HERC1: variants seen among roughly 807,000 people sequenced by gnomAD.
The protein encoded by HERC1 is HECT and RLD domain containing E3 ubiquitin protein ligase family member 1, also known as probable E3 ubiquitin-protein ligase HERC1.
In HERC1, 160 loss-of-function variants were observed where a neutral mutation model predicts 554.3. The ratio of observed to expected loss-of-function variants is 0.29; its 90% confidence interval spans 0.25 to 0.33. The LOEUF (loss-of-function observed/expected upper bound fraction) is 0.33. Among genes scored for constraint, HERC1 ranks in the 10% least tolerant of loss-of-function variants. The probability of loss-of-function intolerance (pLI) is 1.00; values close to 1 mark genes in which losing one functional copy is unlikely to be tolerated. For synonymous variants in HERC1, 2,175 were observed against 2,131.7 expected (o/e 1.02, Z -0.56); for missense variants, 4,919 against 5,918.5 (o/e 0.83, Z 5.54).
intron 25 of HERC1, among the ~76,000 whole-genome samples, chr15:63,699,355 A>G (rs939585489): frequency 5.9e-5 from 9 of 152,254 alleles, no homozygotes; most frequent in African/African-American, 2.2e-4. Context: ...ACAAAAAGGA[A>G]CTAGGCACTT....
In HERC1 at chr15:63,641,556, C is replaced by A. The variant is rs767105588; in HGVS notation, c.11521G>T (p.Val3841Phe). ...TCRTALKQQGVLGLNMAPCMR... is the reference protein window; with the variant it reads ...TCRTALKQQGFLGLNMAPCMR... ...CAGGGAGCCATGTTCAATCCCAGAA[C>A]ACCCTGCTGTTTCAATGCTGTCCTA... The change falls in exon 60 of 78, where the codon GTT becomes TTT. Residue 3841 changes from valine to phenylalanine, a missense_variant. Val to Phe is a conservative substitution (Grantham distance 50). Around this residue, in one of 11 missense-constraint regions of HERC1, gnomAD observed 1,963 missense variants for 2,228.6 expected, o/e 0.88. Coordinates refer to ENST00000443617, the MANE Select transcript of HERC1 (RefSeq NM_003922.4). The A allele has an allele frequency of 1.4e-5, 22 of 1,611,442 alleles. No homozygotes were observed. In the Admixed American group the frequency reaches 3.7e-4, roughly 27 times the overall value.
chr15:63,694,423 G>A lies in HERC1; in HGVS notation c.5369C>T (p.Thr1790Ile). The A allele has an allele frequency of 1.2e-6, 2 of 1,613,942 alleles. No individual in the cohort carries two copies. The change falls in exon 29 of 78, where the codon ACC becomes ATC. Residue 1790 changes from threonine (T) to isoleucine (I), a missense_variant. Physicochemically the swap from Thr to Ile is moderately conservative, Grantham distance 89. Coordinates refer to ENST00000443617, the MANE Select transcript of HERC1 (RefSeq NM_003922.4). This position sits in a 1 kb window ranked among gnomAD's most constrained non-coding sequence, Gnocchi z 4.3. ...NVLSQLCGTD[T>I]MLGQPLQLLP... ...CAACTGCAGGGGCTGTCCTAGCATG[G>A]TGTCTGTACCACACAACTGTGACAA...
At chr15:63,777,251 T>C (rs2076143361) in intron 1 of HERC1, among the ~76,000 whole-genome samples, 1 of 152,210 alleles carries the variant, frequency 6.6e-6, no homozygotes, top group Non-Finnish European at 1.5e-5. Flanking sequence ...ACACTTGCCT[T>C]CACAAGTTTA....
rs753266212 is a variant in HERC1 at position 63,672,703 on chromosome 15, C to CA, written c.7847-10dup. The CA allele has an allele frequency of 8.0e-5, 123 of 1,540,468 alleles. 1 individual carries two copies. The highest frequency in any genetic ancestry group is 7.2e-4 in the Admixed American group (36 of 50,326). Reference sequence around the variant, plus strand: ...AGCTTGTTGATCAATCTCTAGAAACCAAAAAAAAGGTTAAGAAAGTAGTAA... The same window carrying CA: ...AGCTTGTTGATCAATCTCTAGAAACCAAAAAAAAAGGTTAAGAAAGTAGTAA... On this transcript the variant is annotated splice_polypyrimidine_tract_variant and intron_variant, in intron 38 of 77. Transcript: ENST00000443617.
At chr15:63,833,463 T>C (rs2078226689) in intron 1 of HERC1, among the ~76,000 whole-genome samples, 1 of 152,066 alleles carries the variant, frequency 6.6e-6, no homozygotes, top group East Asian at 1.9e-4. Flanking sequence ...GATAAAGGAA[T>C]GAAGCAGAAA....
chr15:63,709,739 G>A (rs1263355718), intron 24 of HERC1, among the ~76,000 whole-genome samples: 3 of 152,182 alleles, frequency 2.0e-5, no homozygotes, highest in Admixed American at 2.0e-4. Context: ...GCACTGTGTA[G>A]GAGATATCAG....
At chr15:63,613,162 G>T (rs139079538) in intron 76 of HERC1, among the ~76,000 whole-genome samples, 1,844 of 152,262 alleles carry the variant, frequency 0.012, 21 homozygotes, top group East Asian at 0.023. Flanking sequence ...TCCCAGCTCT[G>T]CCAATTATTA....
intron 1 of HERC1, among the ~76,000 whole-genome samples, chr15:63,826,815 ATAT>A (rs1207360159): frequency 0.025 from 838 of 34,044 alleles, 12 homozygotes; most frequent in Non-Finnish European, 0.041. Context: ...AAAAAAAAAA[ATAT>A]ATATATATAT....
At chr15:63,800,659 C>T (rs1319475033) in intron 1 of HERC1, among the ~76,000 whole-genome samples, 2 of 152,186 alleles carry the variant, frequency 1.3e-5, no homozygotes, top group Non-Finnish European at 2.9e-5. Context: ...TTCATAGCAC[C>T]TTGCATGGTT....
intron 1 of HERC1, among the ~76,000 whole-genome samples, chr15:63,806,342 C>G (rs1167518975): frequency 6.6e-6 from 1 of 152,118 alleles, no homozygotes; most frequent in Non-Finnish European, 1.5e-5. Context: ...CTTCAAAGGC[C>G]TATCTCAAAG....
In HERC1 at chr15:63,672,712, G is replaced by A. The variant is rs748127748; in HGVS notation, c.7847-18C>T. ...ATCAATCTCTAGAAACCAAAAAAAA[G>A]GTTAAGAAAGTAGTAAGGATTTGTT... On this transcript the variant is annotated intron_variant, in intron 38 of 77. Transcript: ENST00000443617. The A allele has an allele frequency of 2.0e-6, 3 of 1,532,224 alleles. No individual in the cohort carries two copies. Among genetic ancestry groups the A allele is most frequent in the African/African-American group, 2.7e-5 (2 of 73,048 alleles). The allele number at this position is 1,532,224 out of a possible 1,614,324, so 94.9% of individuals were successfully genotyped here.
At position 63,718,465 on chromosome 15, in the gene HERC1, T is replaced by C. The variant is rs962587843; in HGVS notation, c.3978+109A>G. ...TAGGAAAAGAACTACTCAACATGTA[T>C]TGAACATATGCAATAACCAAGGCAC... On this transcript the variant is annotated intron_variant, in intron 21 of 77. Transcript: ENST00000443617. The surrounding 1 kb of genome is among the most constrained non-coding windows in gnomAD (Gnocchi z 4.2). The C allele has an allele frequency of 3.0e-6, 3 of 1,013,794 alleles. No homozygotes were observed. The East Asian group carries it at 8.0e-5, about 27-fold the overall frequency. The allele number at this position is 1,013,794 out of a possible 1,614,324, so 62.8% of individuals were successfully genotyped here.
rs572866040 is a variant in HERC1 at position 63,820,019 on chromosome 15, T to C, written c.-27+13808A>G. ...TCTCACCACAAAAATGATGACTAAA[T>C]GAAGTAATGTATATGTAAATTAGCT... On this transcript the variant is annotated intron_variant, in intron 1 of 77. Coordinates refer to ENST00000443617, the MANE Select transcript of HERC1 (RefSeq NM_003922.4). 1.7e-4 allele frequency among the ~76,000 whole-genome samples: 26 copies of C among 152,336 alleles called. No homozygotes were observed. In the East Asian group the frequency reaches 4.8e-3, roughly 28 times the overall value.
rs79538392 is a variant in HERC1 at position 63,709,798 on chromosome 15, T to C, written c.4585-2967A>G. Among the ~76,000 whole-genome samples the C allele has an allele frequency of 4.1e-3, 618 of 152,210 alleles. 1 individual carries two copies. The highest frequency in any genetic ancestry group is 0.01 in the Middle Eastern group (3 of 294). On this transcript the variant is annotated intron_variant, in intron 24 of 77. Transcript: ENST00000443617. ...CAAAAAATCCTAGATTTCTAGTGGG[T>C]TTACTGGGAAGACATACTAATAATA...
At chr15:63,641,855 G>T (rs571075165) in intron 59 of HERC1, among the ~76,000 whole-genome samples, 29 of 152,106 alleles carry the variant, frequency 1.9e-4, no homozygotes, top group Admixed American at 3.9e-4. Context: ...AATAAAATTT[G>T]TGAACTACCT....
intron 19 of HERC1, among the ~76,000 whole-genome samples, chr15:63,721,474 T>C (rs569319361): frequency 6.6e-6 from 1 of 151,946 alleles, no homozygotes; most frequent in African/African-American, 2.4e-5. Flanking sequence ...TGCAGTGAGC[T>C]GGGATCACGC....
At chr15:63,739,196 T>TATATATA (rs1567071855) in intron 12 of HERC1, among the ~76,000 whole-genome samples, 7 of 9,906 alleles carry the variant, frequency 7.1e-4, no homozygotes, top group African/African-American at 5.0e-3. Flanking sequence ...ACTAATATAC[T>TATATATA]TTTTTTTTTT....
At chr15:63,731,178 TTC>T (rs2074276545) in intron 14 of HERC1, among the ~76,000 whole-genome samples, 1 of 152,318 alleles carries the variant, frequency 6.6e-6, no homozygotes, top group South Asian at 2.1e-4. Flanking sequence ...TTTTAGATGT[TTC>T]TGTTATTTCC....
chr15:63,630,041 T>A (rs1287741041), intron 69 of HERC1, among the ~76,000 whole-genome samples: 1 of 152,174 alleles, frequency 6.6e-6, no homozygotes, highest in Non-Finnish European at 1.5e-5. Context: ...CATCATATTA[T>A]AAAATATAAA....
Sources: gnomAD v4.1 joint callset for allele counts (sites outside exome capture counted in the v4.1 genomes callset) on GRCh38, gnomAD v4.1.1 for gene constraint, gnomAD v4.1.1 regional missense constraint, Gnocchi (gnomAD v3.1) non-coding constraint, MANE v1.5 for transcripts, NCBI Gene and HGNC (gene_info 2026-07-23, HGNC 2026-07-21) for gene names.